AGAP1: variants seen among roughly 807,000 people sequenced by gnomAD.
AGAP1 encodes ArfGAP with GTPase domain, ankyrin repeat and PH domain 1.
Under a neutral mutation model 105.3 loss-of-function variants are expected in AGAP1, and 29 were observed. The ratio of observed to expected loss-of-function variants is 0.28; its 90% CI spans 0.21 to 0.38. The LOEUF is 0.38. Ranked by LOEUF, AGAP1 falls within the 10% of genes least tolerant of loss-of-function variation. The pLI is 1.00. For synonymous variants in AGAP1, 509 were observed against 485.9 expected (o/e 1.05, Z -0.63); for missense variants, 998 against 1,165.1 (o/e 0.86, Z 2.09).
intron 1 of AGAP1, among the ~76,000 whole-genome samples, chr2:235,554,228 C>T (rs1943902370): frequency 6.6e-6 from 1 of 152,206 alleles, no homozygotes; most frequent in African/African-American, 2.4e-5. Flanking sequence ...CGTGGTCCAG[C>T]CTGCCTTACG....
rs1944006784 is a variant in AGAP1 at position 235,557,350 on chromosome 2, A to T, written c.163+62501A>T. Among the ~76,000 whole-genome samples the T allele has an allele frequency of 6.6e-6, 1 of 152,124 alleles. No homozygotes were observed. The highest frequency in any genetic ancestry group is 1.5e-5 in the Non-Finnish European group (1 of 68,022). On this transcript the variant is annotated intron_variant, in intron 1 of 17. Coordinates refer to ENST00000304032, the MANE Select transcript of AGAP1 (RefSeq NM_001037131.3). This position sits in a 1 kb window ranked among gnomAD's most constrained non-coding sequence, Gnocchi z 4.7. ...GCTCACCGCGTGTTGATTTTATTTA[A>T]GACTGGAAAGGCTTGTCCATGTATC...
intron 9 of AGAP1, among the ~76,000 whole-genome samples, chr2:235,808,044 G>GA (rs71938119): frequency 5.3e-4 from 77 of 144,458 alleles, no homozygotes; most frequent in Middle Eastern, 3.5e-3. Flanking sequence ...TCTCCAATAA[G>GA]AAAAAAAAAA....
intron 13 of AGAP1, among the ~76,000 whole-genome samples, chr2:235,986,475 C>A (rs2055319014): frequency 6.6e-6 from 1 of 152,088 alleles, no homozygotes; most frequent in Non-Finnish European, 1.5e-5. Flanking sequence ...TCTTCTCTTG[C>A]CTGATCGTCC....
At chr2:235,613,032 T>C (rs1213489187) in intron 1 of AGAP1, among the ~76,000 whole-genome samples, 2 of 152,000 alleles carry the variant, frequency 1.3e-5, no homozygotes, top group South Asian at 4.2e-4. Flanking sequence ...TTTTGTTTTT[T>C]TTTTTTTTTT....
At position 235,893,646 on chromosome 2, in the gene AGAP1, C is replaced by T. The variant is rs1256378098; in HGVS notation, c.1155+10197C>T. The stretch of plus-strand genomic sequence containing the variant: ...AGGCCCCATCTAGTGTACATCATTG[C>T]CTCGGGTGAGAATGTCCCTTTCTGC... On this transcript the variant is annotated intron_variant, in intron 10 of 17. Coordinates refer to ENST00000304032, the MANE Select transcript of AGAP1 (RefSeq NM_001037131.3). This position sits in a 1 kb window ranked among gnomAD's most constrained non-coding sequence, Gnocchi z 4.7. Among the ~76,000 whole-genome samples, 1 of 152,090 alleles carries T rather than the reference C, an allele frequency of 6.6e-6. No homozygotes were observed. The highest frequency in any genetic ancestry group is 1.5e-5 in the Non-Finnish European group (1 of 68,020).
intron 8 of AGAP1, among the ~76,000 whole-genome samples, chr2:235,805,965 G>A (rs1957816029): frequency 6.6e-6 from 1 of 152,214 alleles, no homozygotes; most frequent in Non-Finnish European, 1.5e-5. Context: ...GCCCAGGAGA[G>A]TAGCACCCTT....
chr2:236,131,238 C>T lies in AGAP1; in HGVS notation c.*7116C>T, dbSNP rs571685976. The stretch of plus-strand genomic sequence containing the variant: ...GAGCTCAGCCTGGAGAGGGGAGGGT[C>T]GCACGGGTCCCGGGGGCAGGTCTCC... On this transcript the variant is annotated 3_prime_UTR_variant, in exon 18 of 18. Transcript: ENST00000304032. The surrounding 1 kb of genome is among the most constrained non-coding windows in gnomAD (Gnocchi z 5.9). 3.9e-5 allele frequency: 6 copies of T among 152,346 alleles called. No homozygotes were observed. Among genetic ancestry groups the T allele is most frequent in the Non-Finnish European group, 8.8e-5 (6 of 68,064 alleles). 9.4% of individuals were successfully genotyped at this position (152,346 alleles called of 1,614,324 possible).
At position 235,663,732 on chromosome 2, in the gene AGAP1, C is replaced by T. The variant is rs907300411; in HGVS notation, c.164-45447C>T. 6.6e-6 allele frequency among the ~76,000 whole-genome samples: 1 copy of T among 152,176 alleles called. No homozygotes were observed. Among genetic ancestry groups the T allele is most frequent in the Non-Finnish European group, 1.5e-5 (1 of 68,034 alleles). On this transcript the variant is annotated intron_variant, in intron 1 of 17. Coordinates refer to ENST00000304032, the MANE Select transcript of AGAP1 (RefSeq NM_001037131.3). This position sits in a 1 kb window ranked among gnomAD's most constrained non-coding sequence, Gnocchi z 5.4. ...TCTCTGACAGTTCGTGATATTCGTT[C>T]CTACTCCAGGAAGCTCTTAGGAGAA...
chr2:235,578,280 A>T lies in AGAP1; in HGVS notation c.163+83431A>T, dbSNP rs1944804964. ...GCACTGTGCCCCCACACCTTTGTTG[A>T]CAAGGACCTGACCTCTCCTCAAACT... On this transcript the variant is annotated intron_variant, in intron 1 of 17. Coordinates refer to ENST00000304032, the MANE Select transcript of AGAP1 (RefSeq NM_001037131.3). This position sits in a 1 kb window ranked among gnomAD's most constrained non-coding sequence, Gnocchi z 4.9. 2.6e-5 allele frequency among the ~76,000 whole-genome samples: 4 copies of T among 152,138 alleles called. No individual in the cohort carries two copies. The highest frequency in any genetic ancestry group is 2.6e-4 in the Admixed American group (4 of 15,276).
chr2:235,955,654 C>T (rs2053916913), intron 12 of AGAP1, among the ~76,000 whole-genome samples: 1 of 152,184 alleles, frequency 6.6e-6, no homozygotes, highest in Non-Finnish European at 1.5e-5. Context: ...AACACTCAAC[C>T]CATGGGATGA....
In AGAP1 at chr2:236,045,150, C is replaced by T. The variant is rs552736652; in HGVS notation, c.1892-3909C>T. 3.3e-5 allele frequency among the ~76,000 whole-genome samples: 5 copies of T among 152,258 alleles called. No individual in the cohort carries two copies. The highest frequency in any genetic ancestry group is 2.1e-4 in the South Asian group (1 of 4,830). ...AGGCTGGTCTTAAACTCCTGGCCTT[C>T]GGCGATCCTCCCCCATTGACCTCCC... is the stretch of plus-strand genomic sequence containing the variant. On this transcript the variant is annotated intron_variant, in intron 15 of 17. Coordinates refer to ENST00000304032, the MANE Select transcript of AGAP1 (RefSeq NM_001037131.3). This position sits in a 1 kb window ranked among gnomAD's most constrained non-coding sequence, Gnocchi z 6.9.
At chr2:235,794,359 C>T (rs1957142741) in intron 6 of AGAP1, among the ~76,000 whole-genome samples, 1 of 152,104 alleles carries the variant, frequency 6.6e-6, no homozygotes, top group Non-Finnish European at 1.5e-5. Context: ...TTTCAGTACC[C>T]GTTGACACCG....
rs192751435 is a variant in AGAP1 at position 235,777,539 on chromosome 2, C to G, written c.674-20220C>G. Among the ~76,000 whole-genome samples the G allele has an allele frequency of 1.3e-5, 2 of 152,198 alleles. No homozygotes were observed. Among genetic ancestry groups the G allele is most frequent in the African/African-American group, 4.8e-5 (2 of 41,450 alleles). ...AAACCGTTGTTTCACCAGCAAATTA[C>G]GCTGGCTGTACTCGCCATGTCCTGT... is the stretch of plus-strand genomic sequence containing the variant. On this transcript the variant is annotated intron_variant, in intron 6 of 17. Transcript: ENST00000304032. This position sits in a 1 kb window ranked among gnomAD's most constrained non-coding sequence, Gnocchi z 5.1.
At chr2:235,869,071 G>T (rs1199323887) in intron 9 of AGAP1, among the ~76,000 whole-genome samples, 1 of 152,114 alleles carries the variant, frequency 6.6e-6, no homozygotes, top group Admixed American at 6.6e-5. Flanking sequence ...AACATAAGAA[G>T]AATAATTTGA....
chr2:235,541,325 C>G (rs1943425928), intron 1 of AGAP1, among the ~76,000 whole-genome samples: 1 of 151,674 alleles, frequency 6.6e-6, no homozygotes, highest in Admixed American at 6.6e-5. Flanking sequence ...CTTCCACTCC[C>G]AACCCCCTTC....
At chr2:235,974,297 C>A (rs1026687175) in intron 13 of AGAP1, among the ~76,000 whole-genome samples, 1 of 152,178 alleles carries the variant, frequency 6.6e-6, no homozygotes, top group Non-Finnish European at 1.5e-5. Flanking sequence ...GGGAGTGGGG[C>A]ACACTGAATA....
Position 235,981,127 on chromosome 2 carries a change from T to C in AGAP1, c.1645+12504T>C, listed in dbSNP as rs2055075290. On this transcript the variant is annotated intron_variant, in intron 13 of 17. Transcript: ENST00000304032. This position sits in a 1 kb window ranked among gnomAD's most constrained non-coding sequence, Gnocchi z 5.5. Reference sequence around the variant, plus strand: ...GACACCCCAGAGTATGTGATCACTGTGAGATGTTTCTCAAAGTCTGTCTTG... The same window carrying C: ...GACACCCCAGAGTATGTGATCACTGCGAGATGTTTCTCAAAGTCTGTCTTG... 6.6e-6 allele frequency among the ~76,000 whole-genome samples: 1 copy of C among 152,202 alleles called. No individual in the cohort carries two copies. The highest frequency in any genetic ancestry group is 1.5e-5 in the Non-Finnish European group (1 of 68,024).
Position 235,744,574 on chromosome 2 carries a change from G to A in AGAP1, c.397-124G>A. On this transcript the variant is annotated intron_variant, in intron 4 of 17. Coordinates refer to ENST00000304032, the MANE Select transcript of AGAP1 (RefSeq NM_001037131.3). The surrounding 1 kb of genome is among the most constrained non-coding windows in gnomAD (Gnocchi z 5.2). ...TGTAAAAGTGACAGTCAAAAGTCAA[G>A]CACCCAGTGTGTGACCGAGGGGATT... The A allele has an allele frequency of 4.2e-6, 5 of 1,181,366 alleles. No individual in the cohort carries two copies. Among genetic ancestry groups the A allele is most frequent in the East Asian group, 2.4e-5 (1 of 42,410 alleles). The allele number at this position is 1,181,366 out of a possible 1,614,324, so 73.2% of individuals were successfully genotyped here.
At position 236,061,587 on chromosome 2, in the gene AGAP1, A is replaced by G. The variant is rs1272593605; in HGVS notation, c.2114+12306A>G. 6.6e-6 allele frequency among the ~76,000 whole-genome samples: 1 copy of G among 152,140 alleles called. No individual in the cohort carries two copies. Among genetic ancestry groups the G allele is most frequent in the Non-Finnish European group, 1.5e-5 (1 of 68,026 alleles). ...ACCTCGAAGACATGATGCTAAAGGA[A>G]AGGAAGCAGGCACAGAAGGCCACAC... On this transcript the variant is annotated intron_variant, in intron 16 of 17. Coordinates refer to ENST00000304032, the MANE Select transcript of AGAP1 (RefSeq NM_001037131.3). The surrounding 1 kb of genome is among the most constrained non-coding windows in gnomAD (Gnocchi z 4.1).
Sources: allele counts gnomAD v4.1 joint callset (sites outside exome capture counted in the v4.1 genomes callset), GRCh38; gene constraint gnomAD v4.1.1; non-coding constraint Gnocchi (gnomAD v3.1); transcripts MANE v1.5; gene names NCBI Gene and HGNC (gene_info 2026-07-23, HGNC 2026-07-21).